Variants in TRMT2A observed in about 807,000 individuals in gnomAD.
TRMT2A encodes the protein tRNA methyltransferase 2A.
In TRMT2A, 60 loss-of-function variants were observed where a neutral mutation model predicts 59.3. The observed-to-expected ratio is 1.01, with a 90% CI of 0.82 to 1.26. TRMT2A has a LOEUF of 1.26. Among genes scored for constraint, TRMT2A ranks in the 50% most tolerant of loss-of-function variants. TRMT2A has a pLI of 0.00. For synonymous variants in TRMT2A, 403 were observed against 353.7 expected, an observed-to-expected ratio of 1.14 and a Z score of -1.56; for missense variants, 863 against 845.2, an observed-to-expected ratio of 1.02 and a Z score of -0.26.
Position 20,116,312 on chromosome 22 carries a change from G to A in TRMT2A, c.325C>T (p.Pro109Ser). 6.2e-7 allele frequency: 1 copy of A among 1,612,976 alleles called. No individual in the cohort carries two copies. The highest frequency in any genetic ancestry group is 2.2e-5 in the East Asian group (1 of 44,878). ...CGGAATGTCACAAAGGCGCAGGGTG[G>A]TTGCCCAAAGAGTTTGGTTTTGTGG... ...QPHKTKLFGQ[P>S]PCAFVTFRSA... The change falls in exon 2 of 12, where the codon CCA (proline) becomes TCA (serine). Residue 109 changes from proline to serine, a missense_variant. Transcript: ENST00000252136.
chr22:20,112,958 C>A lies in TRMT2A; in HGVS notation c.1599G>T (p.Leu533=). Residue 533 remains leucine, a synonymous_variant, in exon 11 of 12, where the codon CTG becomes CTT. Transcript: ENST00000252136. The stretch of plus-strand genomic sequence containing the variant: ...CCCGGGGGTTGCATGAGACGTACAG[C>A]AGCCGCCTGAGGTTCTTAGCTCTCC... ...AIRRAKNLRR[L]LYVSCNPRAA... 6.2e-7 allele frequency: 1 copy of A among 1,613,854 alleles called. No individual in the cohort carries two copies.
rs1304739516 is a variant in TRMT2A at position 20,115,752 on chromosome 22, G to A, written c.628C>T (p.Leu210=). ...TGCCTCTGCTCGAGCAGCCAGGGCAGCAAGGCACGGTTGGTGCTCCCGATT... is the reference window on the plus strand; with the variant it reads ...TGCCTCTGCTCGAGCAGCCAGGGCAACAAGGCACGGTTGGTGCTCCCGATT... The part of the protein sequence containing the change: ...KEIGSTNRAL[L]PWLLEQRHKH... The change falls in exon 3 of 12, where the codon CTG becomes TTG. Residue 210 remains leucine, a synonymous_variant. Coordinates refer to ENST00000252136, the MANE Select transcript of TRMT2A (RefSeq NM_022727.6). 4 of 1,611,496 alleles carry A rather than the reference G, an allele frequency of 2.5e-6. No individual in the cohort carries two copies. Among genetic ancestry groups the A allele is most frequent in the East Asian group, 2.2e-5 (1 of 44,792 alleles).
intron 6 of TRMT2A, 30 bp downstream of exon 6, chr22:20,114,731 G>T: frequency 6.2e-7 from 1 of 1,609,220 alleles, no homozygotes; most frequent in Non-Finnish European, 8.5e-7. Flanking sequence ...TCCCTGCAGG[G>T]ACCTGCCCCG....
At chr22:20,113,845 T>A in intron 7 of TRMT2A, 37 bp from the exon 8 acceptor site, 1 of 1,520,516 alleles carries the variant, frequency 6.6e-7, no homozygotes. Context: ...CAGTGGCTCC[T>A]CTCCTGTGGT....
rs1176630989 is a variant in TRMT2A at position 20,112,710 on chromosome 22, G to A, written c.1731C>T (p.Thr577=). ...KAVAVDLFPQ[T]PHCEMLILFE... is the part of the protein sequence containing the mutation. The stretch of plus-strand genomic sequence containing the variant: ...ACAGGATGAGCATCTCACAGTGCGG[G>A]GTCTGCGGGAACAGGTCCACTGCCA... Residue 577 remains threonine, a synonymous_variant, in exon 12 of 12, where the codon ACC becomes ACT. Transcript: ENST00000252136. 6 of 1,613,856 alleles carry A rather than the reference G, an allele frequency of 3.7e-6. No individual in the cohort carries two copies. In the African/African-American group the frequency reaches 5.3e-5, roughly 14 times the overall value.
rs1039896689 is a variant in TRMT2A at position 20,112,518 on chromosome 22, G to T, written c.*45C>A. ...AAGCCATGCCTTCCCCGCCCCTGGGGCCCTGGGAGCCCTTCAGCTCCTGTC... is the reference window on the plus strand; with the variant it reads ...AAGCCATGCCTTCCCCGCCCCTGGGTCCCTGGGAGCCCTTCAGCTCCTGTC... On this transcript the variant is annotated 3_prime_UTR_variant, in exon 12 of 12. Transcript: ENST00000252136. 6.3e-7 allele frequency: 1 copy of T among 1,585,508 alleles called. No homozygotes were observed.
intron 4 of TRMT2A, 66 bp downstream of exon 4, chr22:20,115,200 C>T: frequency 6.3e-7 from 1 of 1,583,524 alleles, no homozygotes; most frequent in Non-Finnish European, 8.6e-7. Context: ...ATTCCCGGGG[C>T]AGGATCACCA....
chr22:20,113,885 G>A, intron 7 of TRMT2A, 77 bp from the exon 8 acceptor site: 3 of 1,467,578 alleles, frequency 2.0e-6, no homozygotes, highest in Admixed American at 2.5e-5. Context: ...CCACATTCCT[G>A]GTCCCTCCAT....
rs751283218 is a variant in TRMT2A, at chr22:20,114,697, G to A, written c.1122-12C>T. The A allele has an allele frequency of 1.1e-5, 18 of 1,612,802 alleles. No individual in the cohort carries two copies. The highest frequency in any genetic ancestry group is 1.5e-5 in the Non-Finnish European group (18 of 1,179,870). On this transcript the variant is annotated splice_polypyrimidine_tract_variant and intron_variant, in intron 6 of 11. Transcript: ENST00000252136. ...GGCTAGGAGTCTTTCTGTGGGCGAA[G>A]GTGCAGGTCCTTCAGTGTCACAGTC...
intron 1 of TRMT2A, 30 bp downstream of exon 1, chr22:20,116,853 G>A: frequency 3.9e-6 from 2 of 514,614 alleles, no homozygotes; most frequent in South Asian, 1.9e-5. Context: ...CCCCATCCCC[G>A]TCTCTACCCA....
At chr22:20,113,400 T>TTCC in intron 9 of TRMT2A, 32 bp downstream of exon 9, 2 of 1,049,436 alleles carry the variant, frequency 1.9e-6, no homozygotes, top group Non-Finnish European at 2.9e-6. Context: ...GCTGCCCCCA[T>TTCC]CCCCACCCCC....
chr22:20,112,713 C>T lies in TRMT2A; in HGVS notation c.1728G>A (p.Gln576=). 1 of 1,613,992 alleles carries T rather than the reference C, an allele frequency of 6.2e-7. No individual in the cohort carries two copies. Among genetic ancestry groups the T allele is most frequent in the Non-Finnish European group, 8.5e-7 (1 of 1,180,026 alleles). The part of the protein sequence containing the change: ...VKAVAVDLFP[Q]TPHCEMLILF... The stretch of plus-strand genomic sequence containing the variant: ...GGATGAGCATCTCACAGTGCGGGGT[C>T]TGCGGGAACAGGTCCACTGCCACAG... Residue 576 remains glutamine (Q), a synonymous_variant, in exon 12 of 12, where the codon CAG becomes CAA. Coordinates refer to ENST00000252136, the MANE Select transcript of TRMT2A (RefSeq NM_022727.6).
chr22:20,114,882 G>A lies in TRMT2A; in HGVS notation c.1006-6C>T, dbSNP rs1207793996. The A allele has an allele frequency of 4.4e-6, 7 of 1,583,724 alleles. No homozygotes were observed. The highest frequency in any genetic ancestry group is 1.8e-5 in the Admixed American group (1 of 55,612). ...AGCTCCTCAGGGCTCAGCTTCTGGA[G>A]TAAGTGGTGAAAAGTTCCCATCAGG... On this transcript the variant is annotated splice_polypyrimidine_tract_variant and splice_region_variant and intron_variant, in intron 5 of 11. Transcript: ENST00000252136.
intron 4 of TRMT2A, 54 bp downstream of exon 4, chr22:20,115,212 C>CCTCT: frequency 6.3e-7 from 1 of 1,588,576 alleles, no homozygotes; most frequent in Non-Finnish European, 8.6e-7. Context: ...GGATCACCAC[C>CCTCT]CTCTGCTCCC....
chr22:20,115,229 C>A (rs1482153564), intron 4 of TRMT2A, 37 bp downstream of exon 4: 2 of 1,600,078 alleles, frequency 1.2e-6, no homozygotes, highest in Non-Finnish European at 1.7e-6. Context: ...TCCCACACCG[C>A]ATAGGACTTC....
chr22:20,114,539 A>T, intron 7 of TRMT2A, 35 bp downstream of exon 7: 4 of 1,565,094 alleles, frequency 2.6e-6, no homozygotes, highest in Non-Finnish European at 3.5e-6. Flanking sequence ...GCCTCCCTCA[A>T]CATGTCCCCA....
chr22:20,114,820 T>TG lies in TRMT2A; in HGVS notation c.1061dup (p.Ala355SerfsTer24). 3.1e-6 allele frequency: 5 copies of TG among 1,609,088 alleles called. No individual in the cohort carries two copies. Among genetic ancestry groups the TG allele is most frequent in the Non-Finnish European group, 4.2e-6 (5 of 1,178,846 alleles). ...CTCCACTGGCCCTGCCTGGCCCTGC[T>TG]GTGAAGTGCTGCGCTAGGGAGGTCT... On this transcript the variant is annotated frameshift_variant, in exon 6 of 12. Transcript: ENST00000252136. LOFTEE classifies it high-confidence loss of function.
At chr22:20,113,399 A>AAGC in intron 9 of TRMT2A, 33 bp downstream of exon 9, 16 of 713,614 alleles carry the variant, frequency 2.2e-5, no homozygotes, top group Non-Finnish European at 3.5e-5. Flanking sequence ...GGCTGCCCCC[A>AAGC]TCCCCACCCC....
In TRMT2A at chr22:20,114,649, A is replaced by G. The variant is rs1388179724; in HGVS notation, c.1158T>C (p.His386=). 6 of 1,613,860 alleles carry G rather than the reference A, an allele frequency of 3.7e-6. No individual in the cohort carries two copies. Among genetic ancestry groups the G allele is most frequent in the Non-Finnish European group, 5.1e-6 (6 of 1,180,016 alleles). The change falls in exon 7 of 12, where the codon CAT becomes CAC. Residue 386 remains histidine (H), a synonymous_variant. Coordinates refer to ENST00000252136, the MANE Select transcript of TRMT2A (RefSeq NM_022727.6). ...TPSQEGLPLE[H]VAGDRCIHED... ...CGTGGATGCACCGGTCCCCAGCCAC[A>G]TGCTCCAGGGGCAGGCCCTCCTGGC...
Sources: allele counts gnomAD v4.1 joint callset, GRCh38; gene constraint gnomAD v4.1.1; transcripts MANE v1.5; gene names NCBI Gene and HGNC (gene_info 2026-07-23, HGNC 2026-07-21).